The following SH3GL3 variants were observed in gnomAD, a reference collection of about 807,000 sequenced individuals.
The protein encoded by SH3GL3 is endophilin-A3.
A neutral mutation model predicts 47.7 loss-of-function variants in SH3GL3; 33 were observed. The observed-to-expected ratio is 0.69, with a 90% CI of 0.52 to 0.92. The LOEUF is 0.92. Ranked by LOEUF, SH3GL3 falls within the 40% of genes least tolerant of loss-of-function variation. SH3GL3 has a pLI of 0.00. For missense variants in SH3GL3, 363 were observed against 417.8 expected (o/e 0.87, Z 1.14); for synonymous variants, 155 against 148.8 (o/e 1.04, Z -0.30).
intron 8 of SH3GL3, among the ~76,000 whole-genome samples, chr15:83,616,403 G>A (rs1229712062): frequency 6.6e-6 from 1 of 151,824 alleles, no homozygotes; most frequent in Non-Finnish European, 1.5e-5. Flanking sequence ...ACAGGTGCCC[G>A]CCACCACGCC....
intron 1 of SH3GL3, among the ~76,000 whole-genome samples, chr15:83,526,924 A>G (rs905370089): frequency 4.6e-5 from 7 of 152,088 alleles, no homozygotes; most frequent in Non-Finnish European, 5.9e-5. Flanking sequence ...CCTTGTAGAG[A>G]TCTTTCACCT....
intron 1 of SH3GL3, among the ~76,000 whole-genome samples, chr15:83,453,468 A>G (rs2039874863): frequency 7.3e-6 from 1 of 136,080 alleles, no homozygotes; most frequent in Non-Finnish European, 1.6e-5. Flanking sequence ...ACTACTGATT[A>G]TTGCCACAAT....
At chr15:83,503,886 C>G (rs960935370) in intron 1 of SH3GL3, among the ~76,000 whole-genome samples, 3 of 152,180 alleles carry the variant, frequency 2.0e-5, no homozygotes, top group Non-Finnish European at 2.9e-5. Context: ...AGGCGCATTT[C>G]CCCATGTCTT....
intron 1 of SH3GL3, among the ~76,000 whole-genome samples, chr15:83,463,329 T>A (rs1732231257): frequency 6.6e-6 from 1 of 151,910 alleles, no homozygotes; most frequent in African/African-American, 2.4e-5. Flanking sequence ...GAACTGACGC[T>A]GACTCTGGCT....
chr15:83,568,706 G>T, intron 4 of SH3GL3, 34 bp downstream of exon 4: 1 of 1,561,598 alleles, frequency 6.4e-7, no homozygotes, highest in Non-Finnish European at 8.8e-7. Context: ...GGGGAGCTGA[G>T]AACTCCTCCA....
intron 2 of SH3GL3, 112 bp downstream of exon 2, chr15:83,559,433 G>A (rs953606838): frequency 1.4e-6 from 1 of 705,088 alleles, no homozygotes. Flanking sequence ...TTAAATATAG[G>A]TGTGGATTAT....
At chr15:83,624,237 C>T in the SH3GL3 span, among the ~76,000 whole-genome samples, 1 of 152,146 alleles carries the variant, frequency 6.6e-6, no homozygotes, top group Admixed American at 6.5e-5. Flanking sequence ...AGATTGGGTC[C>T]CAGTAGACTC....
intron 1 of SH3GL3, among the ~76,000 whole-genome samples, chr15:83,554,244 A>T (rs1321227299): frequency 6.6e-6 from 1 of 151,834 alleles, no homozygotes; most frequent in Non-Finnish European, 1.5e-5. Context: ...CTGGAGTGCA[A>T]TGGCGCGATC....
chr15:83,613,499 T>G (rs76402929), intron 8 of SH3GL3, among the ~76,000 whole-genome samples: 1 of 152,190 alleles, frequency 6.6e-6, no homozygotes, highest in African/African-American at 2.4e-5. Context: ...GGTTTACACA[T>G]GGAGGTGGTG....
chr15:83,557,336 G>A (rs1204465811), intron 1 of SH3GL3, among the ~76,000 whole-genome samples: 2 of 152,222 alleles, frequency 1.3e-5, no homozygotes, highest in African/African-American at 4.8e-5. Context: ...TTAAAACACT[G>A]CTTGGTGTGT....
At chr15:83,488,812 C>G (rs1368368041) in intron 1 of SH3GL3, among the ~76,000 whole-genome samples, 1 of 152,204 alleles carries the variant, frequency 6.6e-6, no homozygotes, top group Non-Finnish European at 1.5e-5. Flanking sequence ...AGTAGAAGAT[C>G]CTTCTGATTT....
downstream of SH3GL3, among the ~76,000 whole-genome samples, chr15:83,622,403 T>A (rs1483903763): frequency 1.3e-5 from 2 of 152,262 alleles, no homozygotes; most frequent in Admixed American, 1.3e-4. Flanking sequence ...CCAAAGGGCA[T>A]CAGAACTGCA....
chr15:83,462,106 C>G (rs2040329030), intron 1 of SH3GL3, among the ~76,000 whole-genome samples: 1 of 152,164 alleles, frequency 6.6e-6, no homozygotes, highest in Non-Finnish European at 1.5e-5. Flanking sequence ...GCGCTGTAAG[C>G]TAAAACTAAA....
chr15:83,516,976 C>A lies in SH3GL3; in HGVS notation c.46-42277C>A, dbSNP rs2043003526. Among the ~76,000 whole-genome samples the A allele has an allele frequency of 2.6e-5, 4 of 151,754 alleles. No homozygotes were observed. The South Asian group carries it at 6.2e-4, about 24-fold the overall frequency. ...TTCATTTTTATGGCAGTATAGAATA[C>A]CATTGTATAACTATACCATACTTTT... On this transcript the variant is annotated intron_variant, in intron 1 of 8. Transcript: ENST00000427482.
chr15:83,606,030 A>G (rs1291306910), intron 8 of SH3GL3, among the ~76,000 whole-genome samples: 2 of 150,896 alleles, frequency 1.3e-5, no homozygotes, highest in East Asian at 3.9e-4. Flanking sequence ...TATTTTATCA[A>G]CTCATTTTTT....
At chr15:83,490,750 A>G (rs1253409977) in intron 1 of SH3GL3, 14 of 1,596,744 alleles carry the variant, frequency 8.8e-6, no homozygotes, top group Non-Finnish European at 1.2e-5. Flanking sequence ...TTTTAATTAC[A>G]GGAGCTTTTA....
Position 83,568,661 on chromosome 15 carries a change from A to G in SH3GL3, c.320A>G (p.Asp107Gly). ...MLKYGKELGEDSTFGNALIEV... is the reference protein window; with the variant it reads ...MLKYGKELGEGSTFGNALIEV... ...AAATACGGGAAGGAGCTCGGGGAAG[A>G]CTCCACCTTTGGTGAGTTATTCAGA... The change falls in exon 4 of 9, where the codon GAC (aspartate) becomes GGC (glycine). Residue 107 changes from aspartate to glycine, a missense_variant. Asp to Gly is a moderately conservative substitution (Grantham distance 94, BLOSUM62 -1). Transcript: ENST00000427482. 5.0e-6 allele frequency: 8 copies of G among 1,613,164 alleles called. No homozygotes were observed. The highest frequency in any genetic ancestry group is 6.8e-6 in the Non-Finnish European group (8 of 1,179,588).
intron 1 of SH3GL3, among the ~76,000 whole-genome samples, chr15:83,546,526 T>TGTG (rs1405479026): frequency 6.6e-6 from 1 of 152,164 alleles, no homozygotes; most frequent in Non-Finnish European, 1.5e-5. Context: ...TTTAGTTTAC[T>TGTG]GTGGCTCTGC....
chr15:83,472,080 C>T (rs560370419), intron 1 of SH3GL3, among the ~76,000 whole-genome samples: 44 of 152,242 alleles, frequency 2.9e-4, no homozygotes, highest in Non-Finnish European at 5.7e-4. Flanking sequence ...GATGGGGTTT[C>T]GCCATGTTGG....
Sources: gnomAD v4.1 joint callset for allele counts (sites outside exome capture counted in the v4.1 genomes callset) on GRCh38, gnomAD v4.1.1 for gene constraint, MANE v1.5 for transcripts, NCBI Gene and HGNC (gene_info 2026-07-23, HGNC 2026-07-21) for gene names.